The following TSC2 variants were observed in gnomAD, a reference collection of about 807,000 sequenced individuals.
The protein encoded by TSC2 is tuberin.
In TSC2, 29 loss-of-function variants were observed where a neutral mutation model predicts 202.2. The ratio of observed to expected loss-of-function variants is 0.14; its 90% CI spans 0.11 to 0.20. The LOEUF (loss-of-function observed/expected upper bound fraction) is 0.20. Ranked by LOEUF, TSC2 falls within the 10% of genes least tolerant of loss-of-function variation. The pLI is 1.00. For synonymous variants in TSC2, 1,349 were observed against 1,044.0 expected, an observed-to-expected ratio of 1.29 and a Z score of -5.63; for missense variants, 2,429 against 2,420.0, an observed-to-expected ratio of 1.00 and a Z score of -0.08.
Position 2,047,986 on chromosome 16 carries a change from C to T in TSC2, c.-109C>T, listed in dbSNP as rs928827557. 7.9e-6 allele frequency: 12 copies of T among 1,512,246 alleles called. No individual in the cohort carries two copies. In the African/African-American group the frequency reaches 1.4e-4, roughly 18 times the overall value. 93.7% of individuals were successfully genotyped at this position (1,512,246 alleles called of 1,614,324 possible). On this transcript the variant is annotated 5_prime_UTR_variant, in exon 1 of 42. Coordinates refer to ENST00000219476, the MANE Select transcript of TSC2 (RefSeq NM_000548.5). ...GCCGCTACCGGAAGTGCGGGTCGCG[C>T]TTCCGGCGGCGTCCCGGGGCCAGGG...
In TSC2 at chr16:2,063,048, T is replaced by C; in HGVS notation, c.1438T>C (p.Tyr480His). The change falls in exon 14 of 42, where the codon TAT (tyrosine) becomes CAT (histidine). Residue 480 changes from tyrosine to histidine, a missense_variant. By Grantham distance (83) the Tyr-to-His change is moderately conservative. Transcript: ENST00000219476. Reference protein sequence around the residue: ...SFVLLINRQFYEEELINSVVI... With the variant: ...SFVLLINRQFHEEELINSVVI... Reference sequence around the variant, plus strand: ...TGTGCTGCTCATCAACAGGCAGTTCTATGAGGTGCGTGTCCAGGCGGCCGC... The same window carrying C: ...TGTGCTGCTCATCAACAGGCAGTTCCATGAGGTGCGTGTCCAGGCGGCCGC... 1 of 1,551,494 alleles carries C rather than the reference T, an allele frequency of 6.4e-7. No homozygotes were observed. Among genetic ancestry groups the C allele is most frequent in the South Asian group, 1.2e-5 (1 of 84,062 alleles).
Position 2,048,572 on chromosome 16 carries a change from G to GT in TSC2, c.-29-12dup. On this transcript the variant is annotated splice_polypyrimidine_tract_variant and intron_variant, in intron 1 of 41. Transcript: ENST00000219476. ...GTGTTGCTCAGATGTCCCCATTCCTGTTTCGTTTGCACAGAGGGGTTTTCT... is the reference window on the plus strand; with the variant it reads ...GTGTTGCTCAGATGTCCCCATTCCTGTTTTCGTTTGCACAGAGGGGTTTTCT... 3.7e-6 allele frequency: 6 copies of GT among 1,613,442 alleles called. No homozygotes were observed. Among genetic ancestry groups the GT allele is most frequent in the Non-Finnish European group, 5.1e-6 (6 of 1,180,004 alleles).
In TSC2 at chr16:2,055,404, G is replaced by A. The variant is rs1257721773; in HGVS notation, c.484G>A (p.Asp162Asn). ...AACTGCCGCCGCTTCTCCCCCAGCT[G>A]ACTTTGTCCTGCAGTGGATGGATGT... ...HITYLEEELADFVLQWMDVGL... is the reference protein window; with the variant it reads ...HITYLEEELANFVLQWMDVGL... The change falls in exon 6 of 42, where the codon GAC becomes AAC. Residue 162 changes from aspartate to asparagine, a missense_variant and splice_region_variant. By Grantham distance (23) the Asp-to-Asn change is conservative. Transcript: ENST00000219476. The A allele has an allele frequency of 3.7e-6, 6 of 1,614,014 alleles. No homozygotes were observed. The highest frequency in any genetic ancestry group is 1.3e-5 in the African/African-American group (1 of 74,940).
rs10592762 is a variant in TSC2, at chr16:2,059,047, C to CTTT, written c.975+186_975+188dup. Among the ~76,000 whole-genome samples the CTTT allele has an allele frequency of 1.0e-3, 145 of 142,628 alleles. 3 individuals carry two copies. Among genetic ancestry groups the CTTT allele is most frequent in the East Asian group, 1.8e-3 (9 of 4,868 alleles). The allele number at this position is 142,628 out of a possible 152,430, so 93.6% of individuals were successfully genotyped here. ...TTTGGGGCCCTTTGTAGGCTTTAGT[C>CTTT]TTTTTTTTTTTTTTGAGAAGGAGTT... On this transcript the variant is annotated intron_variant, in intron 10 of 41. Transcript: ENST00000219476.
chr16:2,070,695 C>T (rs1462287481), intron 17 of TSC2, 117 bp downstream of exon 17: 7 of 1,518,084 alleles, frequency 4.6e-6, no homozygotes, highest in Middle Eastern at 2.0e-4. Flanking sequence ...CTCAGCTGAC[C>T]GTCCCTCCTC....
At chr16:2,057,001 C>T in intron 8 of TSC2, 104 bp from the exon 9 acceptor site, 1 of 1,474,546 alleles carries the variant, frequency 6.8e-7, no homozygotes, top group Non-Finnish European at 9.3e-7. Context: ...GCTGGCCGGA[C>T]CTTGGGTGGC....
intron 21 of TSC2, among the ~76,000 whole-genome samples, 155 bp from the exon 22 acceptor site, chr16:2,074,045 C>T (rs1002876947): frequency 3.3e-5 from 5 of 152,260 alleles, no homozygotes; most frequent in African/African-American, 7.2e-5. Flanking sequence ...AGAGTCTGCT[C>T]GGGTAGCTCA....
chr16:2,077,544 C>G, intron 25 of TSC2, 54 bp from the exon 26 acceptor site: 1 of 1,610,644 alleles, frequency 6.2e-7, no homozygotes, highest in Non-Finnish European at 8.5e-7. Flanking sequence ...CTTGTTCTCC[C>G]CTTCCCGGGA....
Position 2,070,543 on chromosome 16 carries a change from T to C in TSC2, c.1804T>C (p.Tyr602His). 2 of 1,613,266 alleles carry C rather than the reference T, an allele frequency of 1.2e-6. No homozygotes were observed. Among genetic ancestry groups the C allele is most frequent in the Non-Finnish European group, 8.5e-7 (1 of 1,180,034 alleles). The stretch of plus-strand genomic sequence containing the variant: ...CATTCAGCTCCACTACAAGCACAGC[T>C]ACACCCTGCCAATCGCGAGCAGCAT... ...SHIQLHYKHSYTLPIASSIRL... is the reference protein window; with the variant it reads ...SHIQLHYKHSHTLPIASSIRL... Residue 602 changes from tyrosine (Y) to histidine (H), a missense_variant, in exon 17 of 42, where the codon TAC becomes CAC. By Grantham distance (83) the Tyr-to-His change is moderately conservative. Transcript: ENST00000219476.
chr16:2,049,458 A>G lies in TSC2; in HGVS notation c.138+705A>G, dbSNP rs935356312. ...GGCATTGTGTTTTGCCCATGAGTAA[A>G]TGCTGAATTTTTGCACTTGTAAAGT... is the stretch of plus-strand genomic sequence containing the variant. On this transcript the variant is annotated intron_variant, in intron 2 of 41. Coordinates refer to ENST00000219476, the MANE Select transcript of TSC2 (RefSeq NM_000548.5). Among the ~76,000 whole-genome samples, 3 of 152,286 alleles carry G rather than the reference A, an allele frequency of 2.0e-5. No individual in the cohort carries two copies. The South Asian group carries it at 6.2e-4, about 32-fold the overall frequency.
At chr16:2,078,919 T>G (rs959002240) in intron 26 of TSC2, 113 bp from the exon 27 acceptor site, 2 of 1,431,644 alleles carry the variant, frequency 1.4e-6, no homozygotes, top group Admixed American at 3.4e-5. Flanking sequence ...CCTGTTGGGG[T>G]CTTTCCGAGC....
At chr16:2,083,337 A>C in intron 32 of TSC2, 1 of 458,072 alleles carries the variant, frequency 2.2e-6, no homozygotes. Context: ...CTCCTCGGTT[A>C]CGAGGGCTGG....
intron 2 of TSC2, among the ~76,000 whole-genome samples, chr16:2,049,230 C>T (rs1044081025): frequency 9.2e-5 from 14 of 151,996 alleles, no homozygotes; most frequent in South Asian, 2.1e-4. Flanking sequence ...GGACTACAGA[C>T]ACGTGCCACC....
chr16:2,087,159 C>G (rs1200996007), intron 38 of TSC2: 2 of 490,098 alleles, frequency 4.1e-6, no homozygotes, highest in Non-Finnish European at 7.5e-6. Flanking sequence ...CTGTCCGGCG[C>G]GGCCCTTGGG....
At chr16:2,059,297 C>T (rs186668644) in intron 10 of TSC2, among the ~76,000 whole-genome samples, 243 of 149,644 alleles carry the variant, frequency 1.6e-3, no homozygotes, top group Admixed American at 2.9e-3. Flanking sequence ...GGATTACAGG[C>T]GTGAGCCACC....
chr16:2,082,207 C>G, intron 31 of TSC2: 1 of 608,536 alleles, frequency 1.6e-6, no homozygotes, highest in Non-Finnish European at 2.9e-6. Context: ...TTCCCTGTGG[C>G]TGCAGATGGC....
intron 14 of TSC2, 25 bp downstream of exon 14, chr16:2,063,078 G>T: frequency 6.4e-7 from 1 of 1,550,926 alleles, no homozygotes; most frequent in Non-Finnish European, 8.7e-7. Context: ...GGCCGCAGCT[G>T]GGGGCTCAGG....
At chr16:2,063,756 G>GTCCTCCTCTTCGA in intron 14 of TSC2, 15 of 235,452 alleles carry the variant, frequency 6.4e-5, no homozygotes, top group South Asian at 3.5e-4. Flanking sequence ...TGGGTCCTCT[G>GTCCTCCTCTTCGA]GCTTCTCCCA....
chr16:2,074,592 G>A lies in TSC2; in HGVS notation c.2545+203G>A, dbSNP rs1179636753. ...AGGGGCGGCTCCTCTCACCCCTCTA[G>A]TGTCCATGTGAACGCTCCTCCTTGA... On this transcript the variant is annotated intron_variant, in intron 22 of 41. Transcript: ENST00000219476. 6.2e-6 allele frequency: 4 copies of A among 649,944 alleles called. No homozygotes were observed. In the African/African-American group the frequency reaches 7.2e-5, roughly 12 times the overall value. The allele number at this position is 649,944 out of a possible 1,614,324, so 40.3% of individuals were successfully genotyped here.
Sources: gnomAD v4.1 joint callset for allele counts (sites outside exome capture counted in the v4.1 genomes callset) on GRCh38, gnomAD v4.1.1 for gene constraint, MANE v1.5 for transcripts, NCBI Gene and HGNC (gene_info 2026-07-23, HGNC 2026-07-21) for gene names.